OXR1: variants seen among roughly 807,000 people sequenced by gnomAD.
The protein encoded by OXR1 is oxidation resistance protein 1.
A neutral mutation model predicts 104.6 loss-of-function variants in OXR1; 41 were observed. The ratio of observed to expected loss-of-function variants is 0.39; its 90% CI spans 0.31 to 0.51. The LOEUF (loss-of-function observed/expected upper bound fraction) is 0.51. Among genes scored for constraint, OXR1 ranks in the 20% least tolerant of loss-of-function variants. The probability of loss-of-function intolerance (pLI) is 0.77; values close to 1 mark genes in which losing one functional copy is unlikely to be tolerated. For missense variants in OXR1, 955 were observed against 1,031.9 expected, an observed-to-expected ratio of 0.93 and a Z score of 1.02; for synonymous variants, 348 against 348.4, an observed-to-expected ratio of 1.00 and a Z score of 0.01.
chr8:106,453,876 G>T (rs1820459339), intron 2 of OXR1, among the ~76,000 whole-genome samples: 2 of 106,204 alleles, frequency 1.9e-5, no homozygotes, highest in African/African-American at 1.3e-4. Flanking sequence ...AATCTAAGAT[G>T]GTGTGATCAG....
At chr8:106,380,454 C>A (rs115526792) in intron 2 of OXR1, among the ~76,000 whole-genome samples, 1 of 152,116 alleles carries the variant, frequency 6.6e-6, no homozygotes, top group Non-Finnish European at 1.5e-5. Flanking sequence ...TTTACATGGA[C>A]ATTGTTTTCA....
chr8:106,704,863 T>C (rs1427268148), intron 8 of OXR1, among the ~76,000 whole-genome samples: 1 of 152,138 alleles, frequency 6.6e-6, no homozygotes, highest in Non-Finnish European at 1.5e-5. Flanking sequence ...AAGATATTTC[T>C]TCAGAAAGAA....
intron 2 of OXR1, among the ~76,000 whole-genome samples, chr8:106,453,799 C>A (rs1820454567): frequency 6.6e-6 from 1 of 152,206 alleles, no homozygotes; most frequent in African/African-American, 2.4e-5. Flanking sequence ...ATCCCCCCAG[C>A]ATATAGCATA....
At chr8:106,555,011 G>A (rs1192837751) in intron 3 of OXR1, among the ~76,000 whole-genome samples, 2 of 152,084 alleles carry the variant, frequency 1.3e-5, no homozygotes, top group Non-Finnish European at 2.9e-5. Flanking sequence ...ACAGTTACCA[G>A]TTTTAGTCCC....
At position 106,706,864 on chromosome 8, in the gene OXR1, A is replaced by G; in HGVS notation, c.1343A>G (p.Asp448Gly). The G allele has an allele frequency of 6.2e-7, 1 of 1,611,794 alleles. No homozygotes were observed. Among genetic ancestry groups the G allele is most frequent in the Non-Finnish European group, 8.5e-7 (1 of 1,179,568 alleles). The change falls in exon 9 of 17, where the codon GAC becomes GGC. Residue 448 changes from aspartate (D) to glycine (G), a missense_variant. Asp to Gly is a moderately conservative substitution (Grantham distance 94). Around this residue, in one of 2 missense-constraint regions of OXR1, gnomAD observed 849 missense variants for 852.9 expected, o/e 1.00. Transcript: ENST00000517566. ...EDSTSIKGNS[D>G]QDSFLHENSL... The stretch of plus-strand genomic sequence containing the variant: ...AGCACAAGTATAAAAGGTAATTCAG[A>G]CCAGGATTCTTTTCTTCATGAGAAT...
At chr8:106,374,037 T>C (rs181888372) in intron 2 of OXR1, among the ~76,000 whole-genome samples, 2 of 152,352 alleles carry the variant, frequency 1.3e-5, no homozygotes, top group East Asian at 3.9e-4. Flanking sequence ...TCTCCCACCT[T>C]CATTTGGCAC....
At chr8:106,653,083 A>ATATATATAT (rs1554611973) in intron 3 of OXR1, among the ~76,000 whole-genome samples, 8 of 137,154 alleles carry the variant, frequency 5.8e-5, no homozygotes, top group South Asian at 2.3e-4. Context: ...AAAAAAAAAA[A>ATATATATAT]ATATATATAT....
At chr8:106,449,189 C>T (rs1312771456) in intron 2 of OXR1, among the ~76,000 whole-genome samples, 1 of 152,034 alleles carries the variant, frequency 6.6e-6, no homozygotes, top group African/African-American at 2.4e-5. Flanking sequence ...AAGAATTAAC[C>T]TCCCTCAGCT....
intron 1 of OXR1, among the ~76,000 whole-genome samples, chr8:106,340,263 T>C (rs925140092): frequency 6.6e-6 from 1 of 151,426 alleles, no homozygotes; most frequent in Non-Finnish European, 1.5e-5. Context: ...ATCATAATAA[T>C]GACCTGCCAC....
At chr8:106,353,677 G>A (rs1020699156) in intron 1 of OXR1, among the ~76,000 whole-genome samples, 1 of 151,642 alleles carries the variant, frequency 6.6e-6, no homozygotes, top group Non-Finnish European at 1.5e-5. Flanking sequence ...TATACATTGT[G>A]GAATGGCTAA....
intron 1 of OXR1, among the ~76,000 whole-genome samples, chr8:106,294,466 G>T (rs146139989): frequency 4.6e-5 from 7 of 150,602 alleles, no homozygotes; most frequent in Non-Finnish European, 8.9e-5. Flanking sequence ...GAGGTTAGCT[G>T]TCTCAGGGTT....
chr8:106,456,876 G>A (rs2130634765), intron 2 of OXR1, among the ~76,000 whole-genome samples: 1 of 152,278 alleles, frequency 6.6e-6, no homozygotes, highest in South Asian at 2.1e-4. Flanking sequence ...TGTGTGTGTT[G>A]TATGTGTGTG....
At chr8:106,606,317 T>TTTATTTAC (rs1433125247) in intron 3 of OXR1, among the ~76,000 whole-genome samples, 1 of 151,774 alleles carries the variant, frequency 6.6e-6, no homozygotes, top group Non-Finnish European at 1.5e-5. Context: ...TATTTATTTA[T>TTTATTTAC]TGAGACAGAG....
intron 1 of OXR1, among the ~76,000 whole-genome samples, chr8:106,325,794 A>G (rs563891448): frequency 3.7e-4 from 57 of 152,352 alleles, no homozygotes; most frequent in Middle Eastern, 3.4e-3. Context: ...GCAAATATGC[A>G]TAGATTATTT....
intron 3 of OXR1, among the ~76,000 whole-genome samples, chr8:106,628,333 G>C (rs1412654673): frequency 1.3e-5 from 2 of 152,062 alleles, no homozygotes; most frequent in Admixed American, 6.6e-5. Context: ...ACTGGGCAGG[G>C]AATTTATACA....
intron 3 of OXR1, chr8:106,658,297 C>T (rs1303433833): frequency 8.4e-7 from 1 of 1,187,340 alleles, no homozygotes. Flanking sequence ...GCAGGTGTGC[C>T]TGGGCCGGGG....
intron 3 of OXR1, among the ~76,000 whole-genome samples, chr8:106,523,751 G>C (rs1813431058): frequency 6.6e-6 from 1 of 151,670 alleles, no homozygotes; most frequent in Admixed American, 6.6e-5. Context: ...AGCACTAATA[G>C]GTAAATAGAA....
At chr8:106,610,502 A>G (rs1422446440) in intron 3 of OXR1, among the ~76,000 whole-genome samples, 1 of 152,158 alleles carries the variant, frequency 6.6e-6, no homozygotes, top group African/African-American at 2.4e-5. Flanking sequence ...ATGTGAAGAC[A>G]CTGGTTCTTG....
At chr8:106,371,971 G>A (rs566900281) in intron 2 of OXR1, among the ~76,000 whole-genome samples, 4 of 152,202 alleles carry the variant, frequency 2.6e-5, no homozygotes, top group Admixed American at 1.3e-4. Flanking sequence ...AGGCAGTTGC[G>A]AGTCCCAGTG....
Sources: allele counts gnomAD v4.1 joint callset (sites outside exome capture counted in the v4.1 genomes callset), GRCh38; gene constraint gnomAD v4.1.1; regional missense constraint gnomAD v4.1.1; transcripts MANE v1.5; gene names NCBI Gene and HGNC (gene_info 2026-07-23, HGNC 2026-07-21).